The following SLC2A5 variants were observed in gnomAD, a reference collection of about 807,000 sequenced individuals.
The protein encoded by SLC2A5 is solute carrier family 2 member 5.
Under a neutral mutation model 50.3 loss-of-function variants are expected in SLC2A5, and 56 were observed. That is an observed-to-expected ratio of 1.11 (90% CI 0.90 to 1.39). The LOEUF (loss-of-function observed/expected upper bound fraction) is 1.39. Ranked by LOEUF, SLC2A5 falls within the 40% of genes most tolerant of loss-of-function variation. SLC2A5 has a pLI of 0.00. For synonymous variants in SLC2A5, 269 were observed against 281.9 expected (o/e 0.95, Z 0.46); for missense variants, 566 against 650.1 (o/e 0.87, Z 1.41).
At chr1:9,053,075 A>ATAT (rs1557669755) in intron 3 of SLC2A5, among the ~76,000 whole-genome samples, 10 of 110,620 alleles carry the variant, frequency 9.0e-5, no homozygotes, top group African/African-American at 4.0e-4. Flanking sequence ...TTATATATTT[A>ATAT]TATATTAATA....
At chr1:9,074,085 AT>A (rs1000524854), upstream of SLC2A5, among the ~76,000 whole-genome samples, 2 of 142,388 alleles carry the variant, frequency 1.4e-5, no homozygotes, top group African/African-American at 5.1e-5. Context: ...ATCTCCAAAA[AT>A]TAAAAAAAAA....
chr1:9,037,870 TG>T, intron 11 of SLC2A5, 26 bp downstream of exon 11: 1 of 1,613,578 alleles, frequency 6.2e-7, no homozygotes, highest in Non-Finnish European at 8.5e-7. Flanking sequence ...GATCTGGTGG[TG>T]AGCGTGGGCC....
intron 1 of SLC2A5, among the ~76,000 whole-genome samples, chr1:9,059,379 G>A (rs945780591): frequency 1.7e-4 from 25 of 151,408 alleles, no homozygotes; most frequent in African/African-American, 4.6e-4. Context: ...TCCTGACCTC[G>A]TGATCTGCCT....
intron 1 of SLC2A5, among the ~76,000 whole-genome samples, chr1:9,064,578 G>A (rs1021054895): frequency 6.6e-6 from 1 of 152,150 alleles, no homozygotes; most frequent in African/African-American, 2.4e-5. Flanking sequence ...TTTGGGGGAT[G>A]TGTACCCCTT....
chr1:9,049,156 A>G, intron 3 of SLC2A5: 1 of 456,218 alleles, frequency 2.2e-6, no homozygotes, highest in Middle Eastern at 3.3e-4. Context: ...CTCGCAATGG[A>G]GCCCTCATGA....
rs771183532 is a variant in SLC2A5, at chr1:9,037,977, G to T, written c.1222C>A (p.Arg408=). The change falls in exon 11 of 12, where the codon CGG becomes AGG. Residue 408 remains arginine, a synonymous_variant. Transcript: ENST00000377424. ...CCCCCCACCATGAAGGCAGATGGCCGAGAGGACTGCAGGAAGATCTCAGTG... is the reference window on the plus strand; with the variant it reads ...CCCCCCACCATGAAGGCAGATGGCCTAGAGGACTGCAGGAAGATCTCAGTG... ...LITEIFLQSS[R]PSAFMVGGSV... is the part of the protein sequence containing the mutation. The T allele has an allele frequency of 5.6e-6, 9 of 1,613,952 alleles. No homozygotes were observed. Among genetic ancestry groups the T allele is most frequent in the Middle Eastern group, 1.6e-4 (1 of 6,062 alleles).
At chr1:9,057,731 G>A in intron 2 of SLC2A5, 123 bp from the exon 3 acceptor site, 1 of 799,598 alleles carries the variant, frequency 1.3e-6, no homozygotes. Flanking sequence ...ATTAACCGGG[G>A]GGTGATGGGA....
rs2124313155 is a variant in SLC2A5, at chr1:9,040,306, A to G, written c.572-117T>C. ...TGGGGTGCAGGCTCCAGGAGGGCACAGCTTTCCCAGCCCTAAGAACAGCAA... is the reference window on the plus strand; with the variant it reads ...TGGGGTGCAGGCTCCAGGAGGGCACGGCTTTCCCAGCCCTAAGAACAGCAA... On this transcript the variant is annotated intron_variant, in intron 5 of 11. Transcript: ENST00000377424. This position sits in a 1 kb window ranked among gnomAD's most constrained non-coding sequence, Gnocchi z 4.3. 1 of 1,268,192 alleles carries G rather than the reference A, an allele frequency of 7.9e-7. No homozygotes were observed. The highest frequency in any genetic ancestry group is 1.1e-6 in the Non-Finnish European group (1 of 941,690). 78.6% of individuals were successfully genotyped at this position (1,268,192 alleles called of 1,614,324 possible). A position where few individuals can be genotyped will look rare whatever the true frequency, so the allele number is the denominator to read the frequency against.
intron 2 of SLC2A5, 89 bp from the exon 3 acceptor site, chr1:9,057,697 C>T: frequency 1.7e-6 from 2 of 1,169,294 alleles, no homozygotes; most frequent in Non-Finnish European, 2.5e-6. Context: ...AATGAAATAA[C>T]CTGGGCACAC....
At chr1:9,065,915 G>T (rs1376065544) in intron 1 of SLC2A5, among the ~76,000 whole-genome samples, 2 of 151,958 alleles carry the variant, frequency 1.3e-5, no homozygotes, top group African/African-American at 4.8e-5. Flanking sequence ...CTGTACTCCT[G>T]CCTGGGTGAT....
chr1:9,068,149 C>A (rs1213723977), intron 1 of SLC2A5, among the ~76,000 whole-genome samples: 1 of 130,742 alleles, frequency 7.6e-6, no homozygotes, highest in Non-Finnish European at 1.5e-5. Flanking sequence ...TTGATCGCAC[C>A]ACTGTACTTC....
At chr1:9,053,273 TATATTTATATATTGTATATTTATATTA>T in intron 3 of SLC2A5, among the ~76,000 whole-genome samples, 1 of 10,988 alleles carries the variant, frequency 9.1e-5, no homozygotes, top group South Asian at 3.0e-3. Flanking sequence ...ATTTATATTA[TATATTTATATATTGTATATTTATATTA>T]TATATTTATA....
intron 2 of SLC2A5, chr1:9,084,920 T>G (rs2124484664): frequency 6.6e-6 from 1 of 152,410 alleles, no homozygotes; most frequent in Non-Finnish European, 1.5e-5. Flanking sequence ...CACATTTAAG[T>G]TCGAGAAGCT....
upstream of SLC2A5, among the ~76,000 whole-genome samples, chr1:9,092,792 C>A (rs950983267): frequency 2.6e-5 from 4 of 152,078 alleles, no homozygotes; most frequent in African/African-American, 9.7e-5. Context: ...CTTGCAGGAG[C>A]CCTACAAATC....
At chr1:9,039,046 G>C in intron 8 of SLC2A5, 117 bp from the exon 9 acceptor site, 1 of 1,191,748 alleles carries the variant, frequency 8.4e-7, no homozygotes, top group Non-Finnish European at 1.2e-6. Context: ...CCATGTGCAC[G>C]CACACTCACA....
intron 1 of SLC2A5, among the ~76,000 whole-genome samples, 172 bp downstream of exon 1, chr1:9,069,332 C>T (rs1021471516): frequency 6.6e-6 from 1 of 152,218 alleles, no homozygotes; most frequent in African/African-American, 2.4e-5. Context: ...TCTCTCCTCC[C>T]TATAAAAGAC....
At chr1:9,070,884 G>C (rs1174184420), upstream of SLC2A5, among the ~76,000 whole-genome samples, 1 of 151,998 alleles carries the variant, frequency 6.6e-6, no homozygotes, top group Non-Finnish European at 1.5e-5. Flanking sequence ...TATTCACAAG[G>C]GAGAACTCAG....
chr1:9,075,276 C>T (rs986499548), intron 2 of SLC2A5, among the ~76,000 whole-genome samples: 1 of 152,110 alleles, frequency 6.6e-6, no homozygotes, highest in African/African-American at 2.4e-5. Context: ...CTTCCCGTTT[C>T]ACATCAAACA....
Position 9,058,162 on chromosome 1 carries a change from G to T in SLC2A5, c.122C>A (p.Ser41Tyr). The T allele has an allele frequency of 6.2e-7, 1 of 1,612,782 alleles. No homozygotes were observed. Among genetic ancestry groups the T allele is most frequent in the Non-Finnish European group, 8.5e-7 (1 of 1,178,774 alleles). Residue 41 changes from serine to tyrosine, a missense_variant, in exon 2 of 12, where the codon TCC (serine) becomes TAC (tyrosine). Physicochemically the swap from Ser to Tyr is moderately radical, Grantham distance 144. Transcript: ENST00000377424. ...QYGYNVAAVN[S>Y]PALLMQQFYN... The stretch of plus-strand genomic sequence containing the variant: ...ACCACAGTGACCTACCAGTGCTGGG[G>T]AGTTGACAGCAGCCACGTTGTACCC...
Sources: gnomAD v4.1 joint callset for allele counts (sites outside exome capture counted in the v4.1 genomes callset) on GRCh38, gnomAD v4.1.1 for gene constraint, Gnocchi (gnomAD v3.1) non-coding constraint, MANE v1.5 for transcripts, NCBI Gene and HGNC (gene_info 2026-07-23, HGNC 2026-07-21) for gene names.